Variants in KIF15 observed in about 807,000 individuals in gnomAD.
KIF15 encodes kinesin-like protein KIF15.
A neutral mutation model predicts 190.6 loss-of-function variants in KIF15; 140 were observed. The ratio of observed to expected loss-of-function variants is 0.73; its 90% CI spans 0.64 to 0.84. The LOEUF is 0.84. KIF15 is among the 40% of genes least tolerant of loss of function. The probability of loss-of-function intolerance (pLI) is 0.00; values close to 1 mark genes in which losing one functional copy is unlikely to be tolerated. For missense variants in KIF15, 1,372 were observed against 1,584.4 expected, an observed-to-expected ratio of 0.87 and a Z score of 2.28; for synonymous variants, 528 against 551.3, an observed-to-expected ratio of 0.96 and a Z score of 0.59.
chr3:44,807,082 G>A (rs1169195953), intron 16 of KIF15, among the ~76,000 whole-genome samples: 1 of 152,210 alleles, frequency 6.6e-6, no homozygotes, highest in Admixed American at 6.5e-5. Flanking sequence ...AGAGAAGACC[G>A]AAAACCTTTC....
intron 18 of KIF15, 142 bp from the exon 19 acceptor site, chr3:44,812,933 C>T (rs539375351): frequency 1.5e-4 from 71 of 484,656 alleles, no homozygotes; most frequent in African/African-American, 1.3e-3. Flanking sequence ...TGAAGTGAGC[C>T]GAGGTCGCAT....
Position 44,778,146 on chromosome 3 carries a change from T to C in KIF15, c.278T>C (p.Ile93Thr), listed in dbSNP as rs369781508. The C allele has an allele frequency of 1.9e-5, 30 of 1,613,930 alleles. No individual in the cohort carries two copies. Among genetic ancestry groups the C allele is most frequent in the Non-Finnish European group, 2.5e-5 (29 of 1,179,866 alleles). ...GTATTCGCAACTGTGGCTAAAAGCATTGTGGAGTCTTGCATGAGCGGTTAT... is the reference window on the plus strand; with the variant it reads ...GTATTCGCAACTGTGGCTAAAAGCACTGTGGAGTCTTGCATGAGCGGTTAT... Reference protein sequence around the residue: ...ESVFATVAKSIVESCMSGYNG... With the variant: ...ESVFATVAKSTVESCMSGYNG... Residue 93 changes from isoleucine (I) to threonine (T), a missense_variant, in exon 4 of 35, where the codon ATT becomes ACT. Coordinates refer to ENST00000326047, the MANE Select transcript of KIF15 (RefSeq NM_020242.3).
chr3:44,852,419 T>A, intron 34 of KIF15, 80 bp downstream of exon 34: 1 of 1,386,874 alleles, frequency 7.2e-7, no homozygotes, highest in Non-Finnish European at 9.8e-7. Flanking sequence ...AAAACTTAAT[T>A]ATTGAATCAG....
chr3:44,822,462 G>C (rs1312273586), intron 20 of KIF15, among the ~76,000 whole-genome samples: 1 of 152,154 alleles, frequency 6.6e-6, no homozygotes, highest in African/African-American at 2.4e-5. Context: ...CAACCTTGGT[G>C]AATCTGACAA....
At chr3:44,863,954 C>T in intron 6 of KIF15, 1 of 525,420 alleles carries the variant, frequency 1.9e-6, no homozygotes, top group Non-Finnish European at 3.4e-6. Flanking sequence ...TTCCCAAGAT[C>T]ATATGGCCAG....
At chr3:44,789,902 A>G (rs1706601639) in intron 7 of KIF15, among the ~76,000 whole-genome samples, 1 of 151,964 alleles carries the variant, frequency 6.6e-6, no homozygotes, top group Non-Finnish European at 1.5e-5. Flanking sequence ...CACTTCTAAT[A>G]TTAAACATTG....
At chr3:44,852,529 C>T in intron 34 of KIF15, 144 bp from the exon 35 acceptor site, 2 of 798,596 alleles carry the variant, frequency 2.5e-6, no homozygotes, top group South Asian at 1.8e-5. Context: ...TCATAGACAG[C>T]AGATTCTTGT....
intron 30 of KIF15, among the ~76,000 whole-genome samples, chr3:44,846,980 G>T (rs200298737): frequency 2.0e-5 from 3 of 152,050 alleles, no homozygotes; most frequent in Non-Finnish European, 4.4e-5. Flanking sequence ...GGCTACTTTT[G>T]CACTACAATA....
Position 44,767,259 on chromosome 3 carries a change from G to A in KIF15, c.19+5375G>A, listed in dbSNP as rs567930028. 1.2e-4 allele frequency among the ~76,000 whole-genome samples: 18 copies of A among 152,320 alleles called. No individual in the cohort carries two copies. In the South Asian group the frequency reaches 3.5e-3, roughly 30 times the overall value. On this transcript the variant is annotated intron_variant, in intron 1 of 34. Coordinates refer to ENST00000326047, the MANE Select transcript of KIF15 (RefSeq NM_020242.3). ...AGAAAAGATGAGAGTGGGGGAGAAA[G>A]AGAAGCAGAAAGACTATTGTAATAA...
At chr3:44,782,412 C>T (rs942468097) in intron 5 of KIF15, among the ~76,000 whole-genome samples, 11 of 152,122 alleles carry the variant, frequency 7.2e-5, no homozygotes, top group Admixed American at 6.6e-4. Context: ...GAAAGGTCTT[C>T]CTCGCTCTCT....
chr3:44,838,334 G>A lies in KIF15; in HGVS notation c.3231G>A (p.Glu1077=), dbSNP rs1343211393. The A allele has an allele frequency of 6.2e-7, 1 of 1,613,998 alleles. No individual in the cohort carries two copies. The highest frequency in any genetic ancestry group is 1.7e-5 in the Admixed American group (1 of 60,006). ...CTGAGCAGCTGAACATGCTCACAGAGGCCTCAAAAAAACACTCGGGGCTGC... is the reference window on the plus strand; with the variant it reads ...CTGAGCAGCTGAACATGCTCACAGAAGCCTCAAAAAAACACTCGGGGCTGC... The part of the protein sequence containing the change: ...HATEQLNMLT[E]ASKKHSGLLQ... Residue 1077 remains glutamate (E), a synonymous_variant, in exon 27 of 35, where the codon GAG becomes GAA. Coordinates refer to ENST00000326047, the MANE Select transcript of KIF15 (RefSeq NM_020242.3).
intron 28 of KIF15, 47 bp downstream of exon 28, chr3:44,840,503 A>C: frequency 7.3e-7 from 1 of 1,369,200 alleles, no homozygotes; most frequent in Middle Eastern, 1.9e-4. Context: ...ACAGTTTTGT[A>C]AATGATAAAA....
chr3:44,772,300 C>A (rs1340563926), intron 1 of KIF15, among the ~76,000 whole-genome samples: 1 of 152,154 alleles, frequency 6.6e-6, no homozygotes, highest in African/African-American at 2.4e-5. Flanking sequence ...GAGAGGGATC[C>A]ATCCACCTCT....
At chr3:44,800,053 C>A (rs1156979965) in intron 10 of KIF15, among the ~76,000 whole-genome samples, 4 of 152,092 alleles carry the variant, frequency 2.6e-5, no homozygotes, top group African/African-American at 9.7e-5. Context: ...GTGACCCAGC[C>A]TAAAAGCTCA....
intron 1 of KIF15, among the ~76,000 whole-genome samples, chr3:44,769,447 T>G (rs1369320062): frequency 6.6e-6 from 1 of 152,172 alleles, no homozygotes; most frequent in Non-Finnish European, 1.5e-5. Flanking sequence ...CACCCATGAA[T>G]GTCAAAGCGG....
intron 6 of KIF15, chr3:44,864,989 T>G (rs1467798111): frequency 1.9e-6 from 3 of 1,607,584 alleles, no homozygotes; most frequent in African/African-American, 2.7e-5. Context: ...GAGAGTGAGG[T>G]TGTGCCCACC....
rs1705831500 is a variant in KIF15 at position 44,775,438 on chromosome 3, G to A, written c.246+1G>A. 6.3e-7 allele frequency: 1 copy of A among 1,581,394 alleles called. No individual in the cohort carries two copies. The highest frequency in any genetic ancestry group is 8.6e-7 in the Non-Finnish European group (1 of 1,166,094). ...TGTTGCAGATGTGGATACCACTCAG[G>A]TAATGATAATTAGAAACTTAACTTT... is the stretch of plus-strand genomic sequence containing the variant. On this transcript the variant is annotated splice_donor_variant, in intron 3 of 34. Transcript: ENST00000326047. LOFTEE classifies it high-confidence loss of function.
In KIF15 at chr3:44,794,337, G is replaced by T; in HGVS notation, c.760G>T (p.Val254Leu). Residue 254 changes from valine to leucine, a missense_variant, in exon 8 of 35, where the codon GTG becomes TTG. Coordinates refer to ENST00000326047, the MANE Select transcript of KIF15 (RefSeq NM_020242.3). ...GTCAATGGAGAAAAGTAATGAGATT[G>T]TGAATATACGGACCTCCCTACTCAA... Reference protein sequence around the residue: ...IESMEKSNEIVNIRTSLLNLV... With the variant: ...IESMEKSNEILNIRTSLLNLV... The T allele has an allele frequency of 6.2e-7, 1 of 1,613,972 alleles. No individual in the cohort carries two copies. The highest frequency in any genetic ancestry group is 8.5e-7 in the Non-Finnish European group (1 of 1,179,944).
intron 30 of KIF15, among the ~76,000 whole-genome samples, chr3:44,844,830 A>G (rs1191996067): frequency 6.6e-6 from 1 of 152,212 alleles, no homozygotes; most frequent in Non-Finnish European, 1.5e-5. Flanking sequence ...TTTTTCACAG[A>G]TGGCACTGTG....
Sources: allele counts gnomAD v4.1 joint callset (sites outside exome capture counted in the v4.1 genomes callset), GRCh38; gene constraint gnomAD v4.1.1; transcripts MANE v1.5; gene names NCBI Gene and HGNC (gene_info 2026-07-23, HGNC 2026-07-21).